Variants in PSMB2 observed in about 807,000 individuals in gnomAD.
PSMB2 encodes proteasome 20S subunit beta 2.
A neutral mutation model predicts 25.7 loss-of-function variants in PSMB2; 13 were observed. The ratio of observed to expected loss-of-function variants is 0.51; its 90% CI spans 0.33 to 0.80. The LOEUF (loss-of-function observed/expected upper bound fraction) is 0.80, where lower values mean the gene tolerates loss of function less well. Ranked by LOEUF, PSMB2 falls within the 30% of genes least tolerant of loss-of-function variation. PSMB2 has a pLI of 0.02. For synonymous variants in PSMB2, 87 were observed against 96.2 expected, an observed-to-expected ratio of 0.90 and a Z score of 0.56; for missense variants, 202 against 259.0, an observed-to-expected ratio of 0.78 and a Z score of 1.51.
At position 35,600,881 on chromosome 1, in the gene PSMB2, C is replaced by G; in HGVS notation, c.*2386G>C. The G allele has an allele frequency of 1.0e-6, 1 of 985,082 alleles. No homozygotes were observed. The highest frequency in any genetic ancestry group is 1.2e-6 in the Non-Finnish European group (1 of 829,720). The allele number at this position is 985,082 out of a possible 1,614,324, so 61.0% of individuals were successfully genotyped here. ...CATTATACACTTACTGAGCACTTAC[C>G]ACATGCCAAGCCCTGAACTAAATGT... On this transcript the variant is annotated 3_prime_UTR_variant, in exon 6 of 6. Coordinates refer to ENST00000373237, the MANE Select transcript of PSMB2 (RefSeq NM_002794.5).
At chr1:35,628,611 ATATATATATATATATATATATTTTT>A (rs1650974379) in intron 3 of PSMB2, among the ~76,000 whole-genome samples, 2 of 36,646 alleles carry the variant, frequency 5.5e-5, no homozygotes, top group African/African-American at 9.0e-5. Flanking sequence ...ATATATATAT[ATATATATATATATATATATATTTTT>A]TTTTTTTTTT....
intron 3 of PSMB2, among the ~76,000 whole-genome samples, chr1:35,625,298 G>T (rs1266216791): frequency 6.6e-6 from 1 of 152,134 alleles, no homozygotes; most frequent in Admixed American, 6.5e-5. Context: ...AGTGAAACCC[G>T]ACGATTACAC....
At chr1:35,605,171 G>A (rs761856784) in intron 5 of PSMB2, 62 bp downstream of exon 5, 11 of 1,502,232 alleles carry the variant, frequency 7.3e-6, no homozygotes, top group Middle Eastern at 3.4e-4. Context: ...CTGAGGAACA[G>A]GAACAACACT....
At chr1:35,636,202 G>C in intron 2 of PSMB2, 108 bp downstream of exon 2, 1 of 1,385,410 alleles carries the variant, frequency 7.2e-7, no homozygotes, top group African/African-American at 1.4e-5. Flanking sequence ...CTAACATCTA[G>C]AACTGTGAGA....
chr1:35,628,794 A>G (rs967084913), intron 3 of PSMB2, among the ~76,000 whole-genome samples: 1 of 151,196 alleles, frequency 6.6e-6, no homozygotes, highest in Non-Finnish European at 1.5e-5. Flanking sequence ...TAGCACTGAG[A>G]GGTACTATTT....
At chr1:35,639,246 T>A (rs1651329302) in intron 1 of PSMB2, among the ~76,000 whole-genome samples, 1 of 152,154 alleles carries the variant, frequency 6.6e-6, no homozygotes, top group Non-Finnish European at 1.5e-5. Flanking sequence ...AGAGCGAGAC[T>A]CTGTCTCAAA....
At chr1:35,628,627 A>ATTTTTTTTTTTTT (rs1250841351) in intron 3 of PSMB2, among the ~76,000 whole-genome samples, 1 of 42,960 alleles carries the variant, frequency 2.3e-5, no homozygotes, top group Non-Finnish European at 3.6e-5. Flanking sequence ...ATATATATAT[A>ATTTTTTTTTTTTT]TATATTTTTT....
rs905428895 is a variant in PSMB2 at position 35,600,513 on chromosome 1, T to C, written c.*2754A>G. The C allele has an allele frequency of 4.9e-5, 48 of 982,690 alleles. No individual in the cohort carries two copies. In the African/African-American group the frequency reaches 6.5e-4, roughly 13 times the overall value. The allele number at this position is 982,690 out of a possible 1,614,324, so 60.9% of individuals were successfully genotyped here. On this transcript the variant is annotated 3_prime_UTR_variant, in exon 6 of 6. Coordinates refer to ENST00000373237, the MANE Select transcript of PSMB2 (RefSeq NM_002794.5). ...AATTTATTCCAAAATAAAACATTTA[T>C]TAAAAATAAATGATGCCTGGGTTTC...
chr1:35,624,475 G>T (rs1650789318), intron 3 of PSMB2, among the ~76,000 whole-genome samples: 1 of 150,044 alleles, frequency 6.7e-6, no homozygotes, highest in Admixed American at 6.8e-5. Context: ...ACACTTGGCT[G>T]GGTGCAGTGG....
chr1:35,628,629 ATATTTT>A (rs1258738413), intron 3 of PSMB2, among the ~76,000 whole-genome samples: 20 of 43,584 alleles, frequency 4.6e-4, no homozygotes, highest in African/African-American at 2.2e-3. Flanking sequence ...ATATATATAT[ATATTTT>A]TTTTTTTTTT....
rs1649939366 is a variant in PSMB2, at chr1:35,599,916, T to A, written c.*3351A>T. 2.2e-6 allele frequency: 2 copies of A among 904,964 alleles called. No homozygotes were observed. The highest frequency in any genetic ancestry group is 2.6e-6 in the Non-Finnish European group (2 of 756,774). The allele number at this position is 904,964 out of a possible 1,614,324, so 56.1% of individuals were successfully genotyped here. ...GGCAGACCAAGGTGGGAGGATCACT[T>A]GAGGCCAAGAGTTCGAGACCAGCCT... On this transcript the variant is annotated 3_prime_UTR_variant, in exon 6 of 6. Transcript: ENST00000373237.
At chr1:35,606,588 CAGA>C (rs1385084627) in intron 4 of PSMB2, among the ~76,000 whole-genome samples, 7 of 152,068 alleles carry the variant, frequency 4.6e-5, no homozygotes, top group African/African-American at 1.4e-4. Flanking sequence ...GCTCATGGAT[CAGA>C]AGAATTAATA....
At chr1:35,604,588 TG>T (rs773652969) in intron 5 of PSMB2, among the ~76,000 whole-genome samples, 27 of 152,142 alleles carry the variant, frequency 1.8e-4, no homozygotes, top group Non-Finnish European at 3.5e-4. Flanking sequence ...AAGACCAGCC[TG>T]GCCAACATGG....
chr1:35,602,104 G>A lies in PSMB2; in HGVS notation c.*1163C>T, dbSNP rs992247450. On this transcript the variant is annotated 3_prime_UTR_variant, in exon 6 of 6. Coordinates refer to ENST00000373237, the MANE Select transcript of PSMB2 (RefSeq NM_002794.5). ...TCCCAGCACTGGGAAGCCAAGGCAG[G>A]CAGACTGCTTGAGCCCAGGAGTTCA... 2.3e-5 allele frequency: 6 copies of A among 260,744 alleles called. No individual in the cohort carries two copies. Among genetic ancestry groups the A allele is most frequent in the African/African-American group, 9.2e-5 (4 of 43,362 alleles). 16.2% of individuals were successfully genotyped at this position (260,744 alleles called of 1,614,324 possible).
In PSMB2 at chr1:35,609,665, TAA is replaced by T. The variant is rs1234539822; in HGVS notation, c.286-259_286-258del. ...GTATATGAAAAAGCTGCCATCTTCTTAAAGTCTATGGATGAGAACCTGTATAA... is the reference window on the plus strand; with the variant it reads ...GTATATGAAAAAGCTGCCATCTTCTTAGTCTATGGATGAGAACCTGTATAA... On this transcript the variant is annotated intron_variant, in intron 3 of 5. Transcript: ENST00000373237. 3.9e-5 allele frequency among the ~76,000 whole-genome samples: 6 copies of T among 152,326 alleles called. No individual in the cohort carries two copies. The East Asian group carries it at 1.2e-3, about 29-fold the overall frequency.
intron 3 of PSMB2, among the ~76,000 whole-genome samples, chr1:35,613,321 T>C (rs1268594268): frequency 6.6e-6 from 1 of 151,848 alleles, no homozygotes; most frequent in Non-Finnish European, 1.5e-5. Flanking sequence ...GAGGACTGCT[T>C]GAGCCTAGGA....
intron 3 of PSMB2, among the ~76,000 whole-genome samples, chr1:35,620,574 C>T (rs141831532): frequency 0.019 from 2,773 of 144,918 alleles, 99 homozygotes; most frequent in African/African-American, 0.064. Flanking sequence ...ACAATCTTGG[C>T]TCATTAAAAC....
At chr1:35,619,983 T>G (rs926562448) in intron 3 of PSMB2, among the ~76,000 whole-genome samples, 1 of 152,194 alleles carries the variant, frequency 6.6e-6, no homozygotes, top group Non-Finnish European at 1.5e-5. Flanking sequence ...AGCTGGCAGA[T>G]TCTAGGAAAA....
intron 3 of PSMB2, among the ~76,000 whole-genome samples, chr1:35,617,602 G>A (rs1290503516): frequency 6.6e-6 from 1 of 152,186 alleles, no homozygotes; most frequent in African/African-American, 2.4e-5. Context: ...GAAGCATCAT[G>A]CGACATGATG....
Sources: gnomAD v4.1 joint callset for allele counts (sites outside exome capture counted in the v4.1 genomes callset) on GRCh38, gnomAD v4.1.1 for gene constraint, MANE v1.5 for transcripts, NCBI Gene and HGNC (gene_info 2026-07-23, HGNC 2026-07-21) for gene names.